MAP3K13: variants seen among roughly 807,000 people sequenced by gnomAD.
MAP3K13 encodes leucine zipper-bearing kinase.
In MAP3K13, 52 loss-of-function variants were observed where a neutral mutation model predicts 104.0. The observed-to-expected ratio is 0.50, with a 90% CI of 0.40 to 0.63. The LOEUF (loss-of-function observed/expected upper bound fraction) is 0.63. Among genes scored for constraint, MAP3K13 ranks in the 20% least tolerant of loss-of-function variants. The probability of loss-of-function intolerance (pLI) is 0.00; values close to 1 mark genes in which losing one functional copy is unlikely to be tolerated. For missense variants in MAP3K13, 914 were observed against 1,218.5 expected, an observed-to-expected ratio of 0.75 and a Z score of 3.72; for synonymous variants, 394 against 442.2, an observed-to-expected ratio of 0.89 and a Z score of 1.37.
intron 13 of MAP3K13, among the ~76,000 whole-genome samples, chr3:185,480,816 G>C (rs1718404570): frequency 6.6e-6 from 1 of 152,174 alleles, no homozygotes; most frequent in South Asian, 2.1e-4. Flanking sequence ...TCTTCACATG[G>C]TGGTAGGAGA....
intron 2 of MAP3K13, among the ~76,000 whole-genome samples, chr3:185,430,517 A>T (rs965821709): frequency 1.3e-5 from 2 of 151,918 alleles, no homozygotes; most frequent in African/African-American, 4.8e-5. Context: ...TTTTCTCATC[A>T]TTTAGCTCCT....
chr3:185,330,096 T>C (rs1204291513), intron 2 of MAP3K13, among the ~76,000 whole-genome samples: 1 of 133,966 alleles, frequency 7.5e-6, no homozygotes, highest in Non-Finnish European at 1.5e-5. Context: ...AGAGATGGGG[T>C]TTCACCATGT....
intron 2 of MAP3K13, among the ~76,000 whole-genome samples, chr3:185,309,294 G>A (rs1721412846): frequency 6.6e-6 from 1 of 152,068 alleles, no homozygotes; most frequent in South Asian, 2.1e-4. Flanking sequence ...GATTGCTTCA[G>A]CCCAGGAGTT....
chr3:185,289,846 T>C (rs917120997), intron 2 of MAP3K13, among the ~76,000 whole-genome samples: 9 of 152,180 alleles, frequency 5.9e-5, no homozygotes, highest in African/African-American at 2.2e-4. Flanking sequence ...AAAGATCTCT[T>C]CAGTGTGTTT....
At chr3:185,468,271 C>T (rs1000343265) in intron 10 of MAP3K13, among the ~76,000 whole-genome samples, 3 of 152,094 alleles carry the variant, frequency 2.0e-5, no homozygotes, top group Non-Finnish European at 4.4e-5. Context: ...CTCATTGTAC[C>T]CTAGCATGGG....
At chr3:185,455,072 G>GAT (rs1560118309) in intron 7 of MAP3K13, among the ~76,000 whole-genome samples, 8 of 97,718 alleles carry the variant, frequency 8.2e-5, no homozygotes, top group African/African-American at 3.1e-4. Flanking sequence ...ATATATATGA[G>GAT]ATATATGTGA....
In MAP3K13 at chr3:185,401,813, A is replaced by C. The variant is rs553318614; in HGVS notation, c.-85-26684A>C. Among the ~76,000 whole-genome samples, 4 of 152,282 alleles carry C rather than the reference A, an allele frequency of 2.6e-5. No homozygotes were observed. The East Asian group carries it at 7.7e-4, about 29-fold the overall frequency. Reference sequence around the variant, plus strand: ...ACTTCCATGTGGAAATGAGGTTTTGAGGCACGATTTCTGGTGAGATTCCTG... The same window carrying C: ...ACTTCCATGTGGAAATGAGGTTTTGCGGCACGATTTCTGGTGAGATTCCTG... On this transcript the variant is annotated intron_variant, in intron 1 of 13. Coordinates refer to ENST00000265026, the MANE Select transcript of MAP3K13 (RefSeq NM_004721.5).
chr3:185,340,636 G>T (rs1391109572), intron 2 of MAP3K13, among the ~76,000 whole-genome samples: 1 of 152,098 alleles, frequency 6.6e-6, no homozygotes, highest in African/African-American at 2.4e-5. Flanking sequence ...ATTTCATCTT[G>T]AATTGTAATC....
intron 2 of MAP3K13, among the ~76,000 whole-genome samples, chr3:185,343,641 T>C (rs1261957196): frequency 1.3e-5 from 2 of 152,048 alleles, no homozygotes; most frequent in African/African-American, 2.4e-5. Context: ...TTAGTAGAGA[T>C]GGGGTTTCAC....
rs1491507219 is a variant in MAP3K13 at position 185,455,341 on chromosome 3, GAT to G, written c.1278+3953_1278+3954del. ...TATGAGATATATATGATATATATGAGATATATATGATATATATATGAGATATA... is the reference window on the plus strand; with the variant it reads ...TATGAGATATATATGATATATATGAGATATATGATATATATATGAGATATA... On this transcript the variant is annotated intron_variant, in intron 7 of 13. Transcript: ENST00000265026. Among the ~76,000 whole-genome samples the G allele has an allele frequency of 8.3e-4, 88 of 106,010 alleles. 16 individuals carry two copies. Among genetic ancestry groups the G allele is most frequent in the Non-Finnish European group, 1.5e-3 (82 of 53,424 alleles). 69.5% of individuals were successfully genotyped at this position (106,010 alleles called of 152,430 possible).
chr3:185,480,551 T>C (rs1374973664), intron 13 of MAP3K13, 22 bp downstream of exon 13: 1 of 1,604,074 alleles, frequency 6.2e-7, no homozygotes. Context: ...TCCCTTCTCC[T>C]CCCATCACTG....
chr3:185,454,859 G>C lies in MAP3K13; in HGVS notation c.1278+3464G>C, dbSNP rs1386953786. 9.9e-4 allele frequency among the ~76,000 whole-genome samples: 46 copies of C among 46,668 alleles called. 1 individual carries two copies. Among genetic ancestry groups the C allele is most frequent in the African/African-American group, 2.2e-3 (34 of 15,140 alleles). 30.6% of individuals were successfully genotyped at this position (46,668 alleles called of 152,430 possible). Reference sequence around the variant, plus strand: ...TGATATATATATGAGATATATACATGATATATATATGAGATATATATATGA... The same window carrying C: ...TGATATATATATGAGATATATACATCATATATATATGAGATATATATATGA... On this transcript the variant is annotated intron_variant, in intron 7 of 13. Coordinates refer to ENST00000265026, the MANE Select transcript of MAP3K13 (RefSeq NM_004721.5).
At chr3:185,361,563 G>A (rs1435004265), upstream of MAP3K13, among the ~76,000 whole-genome samples, 1 of 151,996 alleles carries the variant, frequency 6.6e-6, no homozygotes, top group Non-Finnish European at 1.5e-5. Context: ...ATCACGCCCG[G>A]CTAATTTTGT....
chr3:185,417,864 T>C, intron 1 of MAP3K13: 1 of 1,606,594 alleles, frequency 6.2e-7, no homozygotes, highest in Non-Finnish European at 8.5e-7. Context: ...TCTTCTTGCG[T>C]GGTGCTCAAA....
At chr3:185,358,769 G>A (rs1723481467), upstream of MAP3K13, among the ~76,000 whole-genome samples, 2 of 152,150 alleles carry the variant, frequency 1.3e-5, no homozygotes, top group East Asian at 1.9e-4. Context: ...ATTCTGACCA[G>A]TATTCCCAAC....
intron 3 of MAP3K13, among the ~76,000 whole-genome samples, chr3:185,442,727 T>G (rs952826866): frequency 3.9e-5 from 6 of 151,992 alleles, no homozygotes; most frequent in African/African-American, 1.5e-4. Context: ...AGAGACGCGG[T>G]TTCACCATGC....
chr3:185,460,387 G>A (rs894152435), intron 7 of MAP3K13, among the ~76,000 whole-genome samples: 1 of 152,118 alleles, frequency 6.6e-6, no homozygotes, highest in Non-Finnish European at 1.5e-5. Context: ...GGAGAGCAAC[G>A]CTGGTTCTGT....
intron 3 of MAP3K13, among the ~76,000 whole-genome samples, chr3:185,442,209 AT>A (rs67813607): frequency 0.15 from 22,431 of 150,658 alleles, 1,931 homozygotes; most frequent in South Asian, 0.26. Flanking sequence ...AAAAAAGTGT[AT>A]ATTTTCATAT....
intron 3 of MAP3K13, among the ~76,000 whole-genome samples, chr3:185,441,732 G>A (rs939135758): frequency 3.3e-5 from 5 of 151,810 alleles, no homozygotes; most frequent in South Asian, 2.1e-4. Flanking sequence ...ATGAAACCCC[G>A]TCTCTACTAA....
Sources: gnomAD v4.1 joint callset for allele counts (sites outside exome capture counted in the v4.1 genomes callset) on GRCh38, gnomAD v4.1.1 for gene constraint, MANE v1.5 for transcripts, NCBI Gene and HGNC (gene_info 2026-07-23, HGNC 2026-07-21) for gene names.